APC2: variants seen among roughly 807,000 people sequenced by gnomAD.
The protein encoded by APC2 is adenomatous polyposis coli protein 2.
Under a neutral mutation model 72.5 loss-of-function variants are expected in APC2, and 41 were observed. The observed-to-expected ratio is 0.57, with a 90% confidence interval of 0.44 to 0.73. APC2 has a LOEUF of 0.73. Among genes scored for constraint, APC2 ranks in the 30% least tolerant of loss-of-function variants. The pLI is 0.00. For missense variants in APC2, 3,729 were observed against 3,403.4 expected, an observed-to-expected ratio of 1.10 and a Z score of -2.38; for synonymous variants, 1,898 against 1,612.0, an observed-to-expected ratio of 1.18 and a Z score of -4.25.
chr19:1,462,654 T>TC (rs2083945060), intron 14 of APC2, among the ~76,000 whole-genome samples: 1 of 42,484 alleles, frequency 2.4e-5, no homozygotes, highest in Non-Finnish European at 3.4e-5. Context: ...AAACTTCATC[T>TC]CAAAAAAAAA....
Position 1,457,002 on chromosome 19 carries a change from C to G in APC2, c.966C>G (p.His322Gln), listed in dbSNP as rs757722260. Reference protein sequence around the residue: ...GCLPLLLQILHGTEAAAGGRA... With the variant: ...GCLPLLLQILQGTEAAAGGRA... Reference sequence around the variant, plus strand: ...TGCCTCTGCTGCTGCAAATCCTCCACGGCACCGAGGCCGCGGCCGGGGGTC... The same window carrying G: ...TGCCTCTGCTGCTGCAAATCCTCCAGGGCACCGAGGCCGCGGCCGGGGGTC... The change falls in exon 9 of 15, where the codon CAC becomes CAG. Residue 322 changes from histidine (H) to glutamine (Q), a missense_variant. Physicochemically the swap from His to Gln is conservative, Grantham distance 24 (BLOSUM62 0). Transcript: ENST00000590469. 73 of 1,531,974 alleles carry G rather than the reference C, an allele frequency of 4.8e-5. No homozygotes were observed. Among genetic ancestry groups the G allele is most frequent in the Non-Finnish European group, 5.8e-5 (66 of 1,145,392 alleles). The allele number at this position is 1,531,974 out of a possible 1,614,324, so 94.9% of individuals were successfully genotyped here.
chr19:1,453,963 C>T (rs2083780176), intron 4 of APC2, among the ~76,000 whole-genome samples: 2 of 152,246 alleles, frequency 1.3e-5, no homozygotes, highest in Admixed American at 1.3e-4. Context: ...GGCCTGGAGC[C>T]AGGCGGGCTC....
chr19:1,460,652 C>A, intron 11 of APC2, 128 bp from the exon 12 acceptor site: 1 of 1,040,966 alleles, frequency 9.6e-7, no homozygotes, highest in Admixed American at 2.5e-5. Context: ...GGTAACCGTC[C>A]CCGGTAGTGG....
At chr19:1,455,839 C>G (rs1288671345) in intron 6 of APC2, among the ~76,000 whole-genome samples, 1 of 125,608 alleles carries the variant, frequency 8.0e-6, no homozygotes, top group African/African-American at 3.1e-5. Flanking sequence ...GAGTCAGAGC[C>G]TGGGATGGAC....
Position 1,469,466 on chromosome 19 carries a change from C to A in APC2, c.6165C>A (p.Ala2055=). The part of the protein sequence containing the change: ...ELRAAPRQGP[A]PARQRPPAAR... Reference sequence around the variant, plus strand: ...GAGCGGCACCCCGGCAGGGCCCGGCCCCGGCCCGGCAGCGGCCCCCCGCGG... The same window carrying A: ...GAGCGGCACCCCGGCAGGGCCCGGCACCGGCCCGGCAGCGGCCCCCCGCGG... The change falls in exon 15 of 15, where the codon GCC becomes GCA. Residue 2055 remains alanine, a synonymous_variant. Transcript: ENST00000590469. 8.9e-7 allele frequency: 1 copy of A among 1,127,800 alleles called. No homozygotes were observed. Among genetic ancestry groups the A allele is most frequent in the Non-Finnish European group, 1.1e-6 (1 of 924,828 alleles). 69.9% of individuals were successfully genotyped at this position (1,127,800 alleles called of 1,614,324 possible).
Position 1,469,042 on chromosome 19 carries a change from G to A in APC2, c.5741G>A (p.Arg1914His), listed in dbSNP as rs1334812290. 6.5e-7 allele frequency: 1 copy of A among 1,539,746 alleles called. No homozygotes were observed. Among genetic ancestry groups the A allele is most frequent in the Non-Finnish European group, 8.7e-7 (1 of 1,145,138 alleles). The change falls in exon 15 of 15, where the codon CGC becomes CAC. Residue 1914 changes from arginine to histidine, a missense_variant. Arg to His is a conservative substitution (Grantham distance 29, BLOSUM62 0). Transcript: ENST00000590469. ...TCCCCGGTGCCCAAAACGCCGGCGC[G>A]CACCCTTCTGGCGAAGCAGCACAAG... Reference protein sequence around the residue: ...GASPVPKTPARTLLAKQHKTQ... With the variant: ...GASPVPKTPAHTLLAKQHKTQ...
chr19:1,453,138 T>C lies in APC2; in HGVS notation c.137T>C (p.Met46Thr). 1.2e-6 allele frequency: 2 copies of C among 1,601,210 alleles called. No homozygotes were observed. Among genetic ancestry groups the C allele is most frequent in the Non-Finnish European group, 8.5e-7 (1 of 1,174,512 alleles). ...AAGCTGGAGACAGAGACGTCGGGCA[T>C]GAAGGTGGGGGCCTACATGGAGGAG... is the stretch of plus-strand genomic sequence containing the variant. ...LSKLETETSG[M>T]KEVLKHLQGK... Residue 46 changes from methionine to threonine, a missense_variant, in exon 2 of 15, where the codon ATG (methionine) becomes ACG (threonine). Transcript: ENST00000590469.
chr19:1,464,534 C>T (rs530244467), intron 14 of APC2, among the ~76,000 whole-genome samples: 3 of 151,446 alleles, frequency 2.0e-5, no homozygotes, highest in Non-Finnish European at 2.9e-5. Context: ...CCAGGCTGTA[C>T]GACAGAGCGA....
chr19:1,464,074 C>G (rs533863307), intron 14 of APC2, among the ~76,000 whole-genome samples: 1 of 151,458 alleles, frequency 6.6e-6, no homozygotes, highest in East Asian at 1.9e-4. Flanking sequence ...TTTGGCAGGC[C>G]GAGGTAGGTG....
chr19:1,456,948 C>G lies in APC2; in HGVS notation c.912C>G (p.Ser304Arg). The stretch of plus-strand genomic sequence containing the variant: ...TGGCCATGTCCAGCTCGCCCGAGAG[C>G]TGCGTGGCCATGCGCCGCTCGGGCT... Reference protein sequence around the residue: ...TLLAMSSSPESCVAMRRSGCL... With the variant: ...TLLAMSSSPERCVAMRRSGCL... The change falls in exon 9 of 15, where the codon AGC becomes AGG. Residue 304 changes from serine (S) to arginine (R), a missense_variant. Coordinates refer to ENST00000590469, the MANE Select transcript of APC2 (RefSeq NM_005883.3). 6.4e-7 allele frequency: 1 copy of G among 1,552,040 alleles called. No homozygotes were observed. Among genetic ancestry groups the G allele is most frequent in the South Asian group, 1.2e-5 (1 of 85,356 alleles).
Position 1,469,454 on chromosome 19 carries a change from G to T in APC2, c.6153G>T (p.Arg2051=). 8.7e-7 allele frequency: 1 copy of T among 1,144,698 alleles called. No homozygotes were observed. Among genetic ancestry groups the T allele is most frequent in the Non-Finnish European group, 1.1e-6 (1 of 935,270 alleles). The allele number at this position is 1,144,698 out of a possible 1,614,324, so 70.9% of individuals were successfully genotyped here. A position where few individuals can be genotyped will look rare whatever the true frequency, so the allele number is the denominator to read the frequency against. ...GCGAAGAGCTCCGAGCGGCACCCCG[G>T]CAGGGCCCGGCCCCGGCCCGGCAGC... is the stretch of plus-strand genomic sequence containing the variant. ...SRCEELRAAP[R]QGPAPARQRP... Residue 2051 remains arginine, a synonymous_variant, in exon 15 of 15, where the codon CGG becomes CGT. Coordinates refer to ENST00000590469, the MANE Select transcript of APC2 (RefSeq NM_005883.3).
intron 10 of APC2, among the ~76,000 whole-genome samples, chr19:1,458,998 A>G (rs2083882718): frequency 6.6e-6 from 1 of 150,484 alleles, no homozygotes; most frequent in Non-Finnish European, 1.5e-5. Flanking sequence ...TACATCTTCA[A>G]ACTCTGTCCC....
At chr19:1,453,382 G>A (rs1478512724) in intron 3 of APC2, 45 bp downstream of exon 3, 2 of 1,610,982 alleles carry the variant, frequency 1.2e-6, no homozygotes, top group East Asian at 4.5e-5. Flanking sequence ...GAGGCTGGGG[G>A]GAAAGGCAGG....
Position 1,472,843 on chromosome 19 carries a change from G to C in APC2, c.*2630G>C, listed in dbSNP as rs2084157929. The C allele has an allele frequency of 6.6e-6, 1 of 152,386 alleles. No homozygotes were observed. The highest frequency in any genetic ancestry group is 2.4e-5 in the African/African-American group (1 of 41,460). 9.4% of individuals were successfully genotyped at this position (152,386 alleles called of 1,614,324 possible). A position where few individuals can be genotyped will look rare whatever the true frequency, so the allele number is the denominator to read the frequency against. ...TCTGCCCCCCAATGCTCCAGGGCCA[G>C]TCCTAAGGAGCTGAGGGTCTGAGGA... On this transcript the variant is annotated 3_prime_UTR_variant, in exon 15 of 15. Transcript: ENST00000590469.
At chr19:1,449,316 C>T (rs1894764211), upstream of APC2, among the ~76,000 whole-genome samples, 1 of 151,936 alleles carries the variant, frequency 6.6e-6, no homozygotes, top group Non-Finnish European at 1.5e-5. Context: ...GCTGCAGGGA[C>T]GGGCTCTGTG....
At chr19:1,454,431 T>C (rs2083786469) in intron 4 of APC2, among the ~76,000 whole-genome samples, 1 of 151,234 alleles carries the variant, frequency 6.6e-6, no homozygotes, top group African/African-American at 2.4e-5. Context: ...CAGGCTGGAG[T>C]GCAGTGGTAT....
intron 11 of APC2, among the ~76,000 whole-genome samples, 156 bp downstream of exon 11, chr19:1,460,476 T>G (rs1212603963): frequency 6.6e-6 from 1 of 152,170 alleles, no homozygotes; most frequent in Non-Finnish European, 1.5e-5. Flanking sequence ...GAGAGTGCGG[T>G]GTGGGGGGAC....
intron 9 of APC2, chr19:1,457,471 A>G (rs1354786701): frequency 6.4e-6 from 4 of 623,216 alleles, no homozygotes; most frequent in South Asian, 2.2e-5. Flanking sequence ...GAATGCATGG[A>G]TGGATCGTGG....
chr19:1,455,320 T>TG, intron 5 of APC2, 63 bp downstream of exon 5: 2 of 1,585,788 alleles, frequency 1.3e-6, no homozygotes, highest in African/African-American at 2.7e-5. Flanking sequence ...GGAAGCGGCG[T>TG]GGGGGAGGAA....
Sources: gnomAD v4.1 joint callset for allele counts (sites outside exome capture counted in the v4.1 genomes callset) on GRCh38, gnomAD v4.1.1 for gene constraint, MANE v1.5 for transcripts, NCBI Gene and HGNC (gene_info 2026-07-23, HGNC 2026-07-21) for gene names.